Variants in SUN3 observed in about 807,000 individuals in gnomAD.
SUN3 encodes the protein Sad1 and UNC84 domain containing 3.
SUN3 carries 36 observed loss-of-function variants against 48.2 expected under a neutral mutation model. The observed-to-expected ratio is 0.75, with a 90% CI of 0.57 to 0.99. The LOEUF (loss-of-function observed/expected upper bound fraction) is 0.99. Ranked by LOEUF, SUN3 falls within the 50% of genes least tolerant of loss-of-function variation. The probability of loss-of-function intolerance (pLI) is 0.00; values close to 1 mark genes in which losing one functional copy is unlikely to be tolerated. For synonymous variants in SUN3, 148 were observed against 147.9 expected, an observed-to-expected ratio of 1.00 and a Z score of 0.00; for missense variants, 419 against 433.1, an observed-to-expected ratio of 0.97 and a Z score of 0.29.
At chr7:48,034,560 G>A in the SUN3 span, among the ~76,000 whole-genome samples, 103 of 152,282 alleles carry the variant, frequency 6.8e-4, 1 homozygote, top group African/African-American at 2.4e-3. Flanking sequence ...ACTCTCACAA[G>A]CGGTTACCAC....
chr7:48,018,165 T>C (rs556088005), intron 2 of SUN3, among the ~76,000 whole-genome samples: 9 of 152,268 alleles, frequency 5.9e-5, no homozygotes, highest in African/African-American at 2.2e-4. Context: ...GGCAGAGTTT[T>C]AGGTGGCCTG....
chr7:48,013,901 A>G (rs2128779469), intron 3 of SUN3, among the ~76,000 whole-genome samples: 1 of 152,244 alleles, frequency 6.6e-6, no homozygotes, highest in East Asian at 1.9e-4. Context: ...CTGGTCAAAA[A>G]TTAAATGATC....
chr7:48,010,493 T>C (rs951799789), intron 3 of SUN3, among the ~76,000 whole-genome samples: 4 of 152,220 alleles, frequency 2.6e-5, no homozygotes, highest in African/African-American at 9.6e-5. Flanking sequence ...GGCAGTATCT[T>C]TGACTATGTG....
chr7:47,999,905 G>A (rs573592876), intron 6 of SUN3, among the ~76,000 whole-genome samples: 2 of 152,306 alleles, frequency 1.3e-5, no homozygotes, highest in South Asian at 4.1e-4. Context: ...TGATTACAAC[G>A]CACGTACCTA....
chr7:48,021,472 C>A (rs567051989), intron 2 of SUN3, among the ~76,000 whole-genome samples: 2 of 151,460 alleles, frequency 1.3e-5, no homozygotes, highest in East Asian at 1.9e-4. Context: ...AAGAGACAAC[C>A]CACAGAATGG....
chr7:48,034,670 T>C, the SUN3 span, among the ~76,000 whole-genome samples: 4 of 152,186 alleles, frequency 2.6e-5, no homozygotes, highest in South Asian at 6.2e-4. Flanking sequence ...TGGTGTCTAT[T>C]GGCCTCACCA....
chr7:47,989,889 A>G (rs1789002902), intron 8 of SUN3, among the ~76,000 whole-genome samples: 2 of 152,226 alleles, frequency 1.3e-5, no homozygotes, highest in African/African-American at 4.8e-5. Flanking sequence ...GCTTTGTCAA[A>G]CAAATGCTTG....
chr7:48,030,694 T>C (rs562735618), upstream of SUN3, among the ~76,000 whole-genome samples: 18 of 152,354 alleles, frequency 1.2e-4, no homozygotes, highest in African/African-American at 4.1e-4. Flanking sequence ...GGCAGTTTGG[T>C]ATTTAAAATA....
chr7:48,009,027 G>A lies in SUN3; in HGVS notation c.329+8C>T, dbSNP rs750297468. The A allele has an allele frequency of 9.9e-6, 16 of 1,609,626 alleles. No individual in the cohort carries two copies. The highest frequency in any genetic ancestry group is 6.7e-5 in the African/African-American group (5 of 74,692). ...AAAAAGAGGCATATAGCAAAAGATC[G>A]CACTCACTTTAAAAGTTCCAGTTGC... On this transcript the variant is annotated splice_region_variant and intron_variant, in intron 4 of 9. Transcript: ENST00000297325.
At chr7:48,031,002 A>G (rs1348408685), upstream of SUN3, among the ~76,000 whole-genome samples, 2 of 152,244 alleles carry the variant, frequency 1.3e-5, no homozygotes, top group Non-Finnish European at 2.9e-5. Context: ...TAGATAAAAG[A>G]CTTAAACATA....
At chr7:48,023,179 A>G (rs555681608) in intron 2 of SUN3, among the ~76,000 whole-genome samples, 3 of 152,282 alleles carry the variant, frequency 2.0e-5, no homozygotes, top group African/African-American at 7.2e-5. Context: ...CAAATTTATA[A>G]AGCATAATTA....
At position 48,015,172 on chromosome 7, in the gene SUN3, T is replaced by C. The variant is rs575387675; in HGVS notation, c.288+2090A>G. Among the ~76,000 whole-genome samples the C allele has an allele frequency of 4.6e-5, 7 of 152,344 alleles. No individual in the cohort carries two copies. In the East Asian group the frequency reaches 1.4e-3, roughly 29 times the overall value. On this transcript the variant is annotated intron_variant, in intron 3 of 9. Coordinates refer to ENST00000297325, the MANE Select transcript of SUN3 (RefSeq NM_001030019.2). The stretch of plus-strand genomic sequence containing the variant: ...TTGGAGCCACCATGACCACTCTGCG[T>C]GCTCATCTCTGCTTTTCTGGTTATG...
chr7:48,026,766 CTT>C (rs1263126302), intron 1 of SUN3, among the ~76,000 whole-genome samples: 2 of 152,064 alleles, frequency 1.3e-5, no homozygotes, highest in African/African-American at 4.8e-5. Context: ...CTTTTTCTCT[CTT>C]TGTGCAGTCA....
intron 2 of SUN3, 146 bp downstream of exon 2, chr7:48,025,731 C>T (rs1005334030): frequency 2.4e-5 from 11 of 450,220 alleles, no homozygotes; most frequent in African/African-American, 1.2e-4. Flanking sequence ...AAAAAACAAA[C>T]GAAAAAGCTT....
At chr7:47,988,674 T>G in intron 9 of SUN3, 114 bp downstream of exon 9, 1 of 595,806 alleles carries the variant, frequency 1.7e-6, no homozygotes. Context: ...ATAAGCCTTG[T>G]GTAACTCACG....
chr7:48,026,166 G>T (rs76602732), intron 1 of SUN3, among the ~76,000 whole-genome samples: 4,460 of 152,066 alleles, frequency 0.029, 215 homozygotes, highest in African/African-American at 0.1. Flanking sequence ...CGCATACATA[G>T]AGTCATGCCT....
chr7:48,016,769 A>G (rs1242541170), intron 3 of SUN3, among the ~76,000 whole-genome samples: 3 of 152,226 alleles, frequency 2.0e-5, no homozygotes, highest in Non-Finnish European at 4.4e-5. Flanking sequence ...TTCTGTTGCT[A>G]TAACAGAATA....
In SUN3 at chr7:47,994,429, G is replaced by A. The variant is rs767364136; in HGVS notation, c.747C>T (p.Thr249=). The change falls in exon 8 of 10, where the codon ACC becomes ACT. Residue 249 remains threonine (T), a synonymous_variant. Transcript: ENST00000297325. ...CWAFPGSQGH[T]LIKLATKIIP... ...TGATCTTTGTAGCAAGCTTGATTAGGGTATGACCCTGGGAACCTGGAAAAG... is the reference window on the plus strand; with the variant it reads ...TGATCTTTGTAGCAAGCTTGATTAGAGTATGACCCTGGGAACCTGGAAAAG... 11 of 1,612,076 alleles carry A rather than the reference G, an allele frequency of 6.8e-6. No individual in the cohort carries two copies. The Admixed American group carries it at 1.2e-4, about 17-fold the overall frequency.
At position 47,996,158 on chromosome 7, in the gene SUN3, A is replaced by C. The variant is rs368186577; in HGVS notation, c.578-12T>G. The C allele has an allele frequency of 1.5e-4, 206 of 1,409,444 alleles. No individual in the cohort carries two copies. The highest frequency in any genetic ancestry group is 1.9e-4 in the Non-Finnish European group (191 of 1,021,516). 87.3% of individuals were successfully genotyped at this position (1,409,444 alleles called of 1,614,324 possible). On this transcript the variant is annotated splice_polypyrimidine_tract_variant and intron_variant, in intron 6 of 9. Coordinates refer to ENST00000297325, the MANE Select transcript of SUN3 (RefSeq NM_001030019.2). ...AATGATGGAGGCTCCTAAAATTATA[A>C]AGTAAGTTGTAAAATAAAGAAACAA... is the stretch of plus-strand genomic sequence containing the variant.
Sources: gnomAD v4.1 joint callset for allele counts (sites outside exome capture counted in the v4.1 genomes callset) on GRCh38, gnomAD v4.1.1 for gene constraint, MANE v1.5 for transcripts, NCBI Gene and HGNC (gene_info 2026-07-23, HGNC 2026-07-21) for gene names.